The following SH3RF3 variants were observed in gnomAD, a reference collection of about 807,000 sequenced individuals.
SH3RF3 encodes SH3 domain containing ring finger 3.
In SH3RF3, 29 loss-of-function variants were observed where a neutral mutation model predicts 66.3. That is an observed-to-expected ratio of 0.44 (90% CI 0.33 to 0.60). SH3RF3 has a LOEUF of 0.60. Ranked by LOEUF, SH3RF3 falls within the 20% of genes least tolerant of loss-of-function variation. The pLI is 0.04. For missense variants in SH3RF3, 1,194 were observed against 1,190.9 expected (o/e 1.00, Z -0.04); for synonymous variants, 583 against 532.0 (o/e 1.10, Z -1.32).
At chr2:109,493,128 A>C (rs1433461704) in intron 9 of SH3RF3, among the ~76,000 whole-genome samples, 12 of 146,596 alleles carry the variant, frequency 8.2e-5, no homozygotes, top group Non-Finnish European at 1.7e-4. Flanking sequence ...ATATAAACAC[A>C]CATACCCCAC....
Position 109,255,089 on chromosome 2 carries a change from G to C in SH3RF3, c.574-92585G>C, listed in dbSNP as rs139477709. Among the ~76,000 whole-genome samples the C allele has an allele frequency of 2.9e-3, 444 of 152,306 alleles. 2 individuals are homozygous for C. The highest frequency in any genetic ancestry group is 0.01 in the African/African-American group (417 of 41,560). The stretch of plus-strand genomic sequence containing the variant: ...GGCTAAAAGACACAAGGTGGTACCC[G>C]TGTCATGGTGGTGGGAGGTTAAAGA... On this transcript the variant is annotated intron_variant, in intron 1 of 9. Coordinates refer to ENST00000309415, the MANE Select transcript of SH3RF3 (RefSeq NM_001099289.3).
intron 8 of SH3RF3, among the ~76,000 whole-genome samples, chr2:109,485,510 T>C (rs1195953832): frequency 6.6e-6 from 1 of 152,232 alleles, no homozygotes; most frequent in Admixed American, 6.5e-5. Context: ...AATGTTCTAC[T>C]AAACAGTTAA....
intron 3 of SH3RF3, among the ~76,000 whole-genome samples, chr2:109,373,817 A>T (rs6759154): frequency 0.019 from 2,922 of 152,280 alleles, 93 homozygotes; most frequent in African/African-American, 0.061. Context: ...GTAAGATCTT[A>T]CCAAGGCAGC....
chr2:109,471,217 A>G (rs1179427683), intron 8 of SH3RF3, among the ~76,000 whole-genome samples: 1 of 151,482 alleles, frequency 6.6e-6, no homozygotes, highest in Non-Finnish European at 1.5e-5. Flanking sequence ...AAAAAAAAAA[A>G]AAAAAAAAAA....
Position 109,319,747 on chromosome 2 carries a change from C to T in SH3RF3, c.574-27927C>T, listed in dbSNP as rs73955524. On this transcript the variant is annotated intron_variant, in intron 1 of 9. Coordinates refer to ENST00000309415, the MANE Select transcript of SH3RF3 (RefSeq NM_001099289.3). Reference sequence around the variant, plus strand: ...CAGGTGCAGCCTGCCTGCCCCCAGCCTGTCCAGGCCGTGTGTGGCTGTTTC... The same window carrying T: ...CAGGTGCAGCCTGCCTGCCCCCAGCTTGTCCAGGCCGTGTGTGGCTGTTTC... 8.1e-3 allele frequency among the ~76,000 whole-genome samples: 1,234 copies of T among 152,362 alleles called. 21 individuals are homozygous for T. Among genetic ancestry groups the T allele is most frequent in the African/African-American group, 0.028 (1,163 of 41,582 alleles).
At chr2:109,252,006 G>C (rs13392050) in intron 1 of SH3RF3, among the ~76,000 whole-genome samples, 5,855 of 152,218 alleles carry the variant, frequency 0.038, 372 homozygotes, top group African/African-American at 0.13. Flanking sequence ...ACTTTGGGAG[G>C]CCAAGGTAGG....
At chr2:109,168,160 C>T (rs1331515644) in intron 1 of SH3RF3, among the ~76,000 whole-genome samples, 1 of 152,066 alleles carries the variant, frequency 6.6e-6, no homozygotes, top group African/African-American at 2.4e-5. Flanking sequence ...TTCAGGAAGC[C>T]AAAACAGCAA....
intron 1 of SH3RF3, among the ~76,000 whole-genome samples, chr2:109,194,714 C>T (rs1678455031): frequency 6.6e-6 from 1 of 152,204 alleles, no homozygotes; most frequent in South Asian, 2.1e-4. Context: ...ATTCCCTCCA[C>T]CCTAAACACT....
chr2:109,239,804 G>A (rs984134843), intron 1 of SH3RF3, among the ~76,000 whole-genome samples: 3 of 152,150 alleles, frequency 2.0e-5, no homozygotes, highest in Non-Finnish European at 4.4e-5. Context: ...GGTGTTTCAC[G>A]GCCACCTGCC....
chr2:109,156,912 T>C (rs1041685802), intron 1 of SH3RF3, among the ~76,000 whole-genome samples: 5 of 152,218 alleles, frequency 3.3e-5, no homozygotes, highest in African/African-American at 1.2e-4. Flanking sequence ...CAGTTAATGC[T>C]TTCTTTCCAG....
rs77841620 is a variant in SH3RF3, at chr2:109,165,066, C to T, written c.573+34953C>T. Among the ~76,000 whole-genome samples the T allele has an allele frequency of 5.9e-4, 90 of 152,282 alleles. 1 individual carries two copies. The East Asian group carries it at 7.9e-3, about 13-fold the overall frequency. On this transcript the variant is annotated intron_variant, in intron 1 of 9. Transcript: ENST00000309415. Reference sequence around the variant, plus strand: ...ATTTTCCATCTCTGTTGGCAGTGGGCCTGGACAGAATTCTGTGTTCTTACT... The same window carrying T: ...ATTTTCCATCTCTGTTGGCAGTGGGTCTGGACAGAATTCTGTGTTCTTACT...
At chr2:109,222,123 C>A (rs1158867278) in intron 1 of SH3RF3, among the ~76,000 whole-genome samples, 3 of 151,894 alleles carry the variant, frequency 2.0e-5, no homozygotes, top group Admixed American at 6.5e-5. Flanking sequence ...GACGATCTCA[C>A]TCATATGTGG....
intron 8 of SH3RF3, among the ~76,000 whole-genome samples, chr2:109,464,893 A>G (rs1663785451): frequency 1.3e-5 from 2 of 152,218 alleles, no homozygotes; most frequent in South Asian, 4.1e-4. Flanking sequence ...TGACAAATGT[A>G]TAATGACATG....
chr2:109,167,516 A>G (rs1261471640), intron 1 of SH3RF3, among the ~76,000 whole-genome samples: 3 of 152,106 alleles, frequency 2.0e-5, no homozygotes, highest in Non-Finnish European at 2.9e-5. Context: ...GTATTTCCCC[A>G]GTCATCCCCC....
chr2:109,434,030 C>T (rs1677329152), intron 6 of SH3RF3, among the ~76,000 whole-genome samples: 1 of 152,214 alleles, frequency 6.6e-6, no homozygotes, highest in African/African-American at 2.4e-5. Context: ...ATTTCCCATG[C>T]CAGTAGGAAC....
At chr2:109,302,951 A>G (rs903519113) in intron 1 of SH3RF3, among the ~76,000 whole-genome samples, 2 of 152,054 alleles carry the variant, frequency 1.3e-5, no homozygotes, top group African/African-American at 2.4e-5. Context: ...ATCTTAGCTC[A>G]CTGCAACCTC....
chr2:109,429,497 C>T (rs1471633409), intron 5 of SH3RF3, among the ~76,000 whole-genome samples: 1 of 152,176 alleles, frequency 6.6e-6, no homozygotes, highest in Non-Finnish European at 1.5e-5. Flanking sequence ...TGCCCTGGTG[C>T]ACGTCAGGGC....
intron 1 of SH3RF3, among the ~76,000 whole-genome samples, chr2:109,220,523 T>C (rs1296726733): frequency 2.0e-5 from 3 of 152,214 alleles, no homozygotes; most frequent in African/African-American, 7.2e-5. Context: ...TTGCAAATCA[T>C]TGTTTAGTAA....
At chr2:109,246,913 C>A (rs998392721) in intron 1 of SH3RF3, among the ~76,000 whole-genome samples, 2 of 152,172 alleles carry the variant, frequency 1.3e-5, no homozygotes. Context: ...TGACTCAGGG[C>A]TCCAGGCCAA....
Sources: gnomAD v4.1 joint callset for allele counts (sites outside exome capture counted in the v4.1 genomes callset) on GRCh38, gnomAD v4.1.1 for gene constraint, MANE v1.5 for transcripts, NCBI Gene and HGNC (gene_info 2026-07-23, HGNC 2026-07-21) for gene names.